The following NAA35 variants were observed in gnomAD, a reference collection of about 807,000 sequenced individuals.
NAA35 encodes the protein MAK10 homolog, amino-acid N-acetyltransferase subunit.
Under a neutral mutation model 101.7 loss-of-function variants are expected in NAA35, and 18 were observed. The ratio of observed to expected loss-of-function variants is 0.18; its 90% CI spans 0.12 to 0.26. The LOEUF (loss-of-function observed/expected upper bound fraction) is 0.26, where lower values mean the gene tolerates loss of function less well. Among genes scored for constraint, NAA35 ranks in the 10% least tolerant of loss-of-function variants. The probability of loss-of-function intolerance (pLI) is 1.00; values close to 1 mark genes in which losing one functional copy is unlikely to be tolerated. For missense variants in NAA35, 601 were observed against 886.8 expected, an observed-to-expected ratio of 0.68 and a Z score of 4.09; for synonymous variants, 267 against 273.1, an observed-to-expected ratio of 0.98 and a Z score of 0.22.
chr9:85,966,745 T>C, intron 6 of NAA35: 1 of 637,728 alleles, frequency 1.6e-6, no homozygotes, highest in Non-Finnish European at 2.4e-6. Flanking sequence ...TAATAATGTG[T>C]ATATCAAGAA....
rs76521783 is a variant in NAA35 at position 85,991,458 on chromosome 9, G to T, written c.878-4941G>T. Among the ~76,000 whole-genome samples, 803 of 152,208 alleles carry T rather than the reference G, an allele frequency of 5.3e-3. 7 individuals carry two copies. The highest frequency in any genetic ancestry group is 0.019 in the African/African-American group (772 of 41,508). On this transcript the variant is annotated intron_variant, in intron 11 of 22. Transcript: ENST00000361671. The stretch of plus-strand genomic sequence containing the variant: ...AGGTATGGGGTGTCAGATCATAAGT[G>T]GGGGGAAGAGGCTGTCCAGGAGGAC...
chr9:85,960,916 G>T (rs895096593), intron 5 of NAA35, among the ~76,000 whole-genome samples: 2 of 152,160 alleles, frequency 1.3e-5, no homozygotes, highest in East Asian at 1.9e-4. Flanking sequence ...GGCAAAGAGG[G>T]TATATTGCAT....
At chr9:85,999,231 A>G (rs949550270) in intron 12 of NAA35, among the ~76,000 whole-genome samples, 6 of 152,184 alleles carry the variant, frequency 3.9e-5, no homozygotes, top group South Asian at 2.1e-4. Context: ...AAAGTAACCA[A>G]ATTAGATGAC....
At position 85,962,175 on chromosome 9, in the gene NAA35, G is replaced by T; in HGVS notation, c.511G>T (p.Glu171Ter). Residue 171 changes from glutamate to a stop codon, truncating the protein, a stop_gained, in exon 6 of 23, where the codon GAA becomes TAA. Transcript: ENST00000361671. LOFTEE classifies it high-confidence loss of function. ...REKVNKAAVF[E>*]EEDFQSMTYG... is the part of the protein sequence containing the mutation. ...AAAAGTAAATAAAGCTGCTGTTTTT[G>T]AAGAGGTAAGATTTCGTAATGTAAG... is the stretch of plus-strand genomic sequence containing the variant. The T allele has an allele frequency of 6.2e-7, 1 of 1,613,490 alleles. No individual in the cohort carries two copies. Among genetic ancestry groups the T allele is most frequent in the South Asian group, 1.1e-5 (1 of 91,030 alleles).
intron 2 of NAA35, among the ~76,000 whole-genome samples, chr9:85,945,163 A>T (rs1016814816): frequency 5.9e-5 from 9 of 152,160 alleles, no homozygotes; most frequent in African/African-American, 2.2e-4. Context: ...TTCACTGTGG[A>T]TAGAGAGGGG....
intron 7 of NAA35, 29 bp downstream of exon 7, chr9:85,975,062 A>C (rs778373648): frequency 6.2e-7 from 1 of 1,611,702 alleles, no homozygotes; most frequent in Non-Finnish European, 8.5e-7. Flanking sequence ...TTAATTCACA[A>C]GTTTTACATT....
chr9:86,012,378 G>C (rs1178479464), intron 15 of NAA35, among the ~76,000 whole-genome samples: 1 of 152,098 alleles, frequency 6.6e-6, no homozygotes, highest in Non-Finnish European at 1.5e-5. Flanking sequence ...AAAGTGCTGG[G>C]ATTACAGGGG....
At chr9:85,963,586 G>A (rs1175551339) in intron 6 of NAA35, among the ~76,000 whole-genome samples, 4 of 151,930 alleles carry the variant, frequency 2.6e-5, no homozygotes, top group African/African-American at 9.7e-5. Context: ...TTTGTGAGTT[G>A]TTTGAAATAG....
chr9:86,012,001 A>G (rs1174781397), intron 15 of NAA35, among the ~76,000 whole-genome samples: 1 of 144,782 alleles, frequency 6.9e-6, no homozygotes, highest in Non-Finnish European at 1.5e-5. Context: ...ATATAATAAT[A>G]TATAATGGAA....
intron 11 of NAA35, among the ~76,000 whole-genome samples, chr9:85,988,972 C>T (rs922286885): frequency 9.2e-5 from 14 of 152,130 alleles, no homozygotes; most frequent in African/African-American, 2.9e-4. Context: ...AAATGTTAGA[C>T]ATTTCTAGAA....
Position 86,022,154 on chromosome 9 carries a change from G to T in NAA35, c.*194G>T. The T allele has an allele frequency of 2.1e-6, 1 of 480,994 alleles. No individual in the cohort carries two copies. Among genetic ancestry groups the T allele is most frequent in the Non-Finnish European group, 3.6e-6 (1 of 274,380 alleles). 29.8% of individuals were successfully genotyped at this position (480,994 alleles called of 1,614,324 possible). On this transcript the variant is annotated 3_prime_UTR_variant, in exon 23 of 23. Coordinates refer to ENST00000361671, the MANE Select transcript of NAA35 (RefSeq NM_024635.4). Reference sequence around the variant, plus strand: ...CTGCTGTTTTAAAGTGGTTTATTATGTTCCATGGAAGAAACTGGTCTTATT... The same window carrying T: ...CTGCTGTTTTAAAGTGGTTTATTATTTTCCATGGAAGAAACTGGTCTTATT...
At chr9:85,996,254 A>G (rs1831151875) in intron 11 of NAA35, 145 bp from the exon 12 acceptor site, 2 of 545,876 alleles carry the variant, frequency 3.7e-6, no homozygotes, top group South Asian at 2.5e-5. Context: ...GATATATTCT[A>G]AATTATAAAA....
At chr9:85,976,419 T>G (rs1290359347) in intron 8 of NAA35, among the ~76,000 whole-genome samples, 3 of 152,180 alleles carry the variant, frequency 2.0e-5, no homozygotes, top group Non-Finnish European at 4.4e-5. Flanking sequence ...TGCCATATAC[T>G]TCTGCTTATG....
chr9:85,982,860 A>G (rs1045772015), intron 11 of NAA35, among the ~76,000 whole-genome samples: 8 of 152,230 alleles, frequency 5.3e-5, no homozygotes, highest in African/African-American at 1.7e-4. Flanking sequence ...TTATTTTAGA[A>G]GCTGGAAAAC....
chr9:85,943,875 T>C (rs888190426), intron 2 of NAA35, among the ~76,000 whole-genome samples: 2 of 152,218 alleles, frequency 1.3e-5, no homozygotes, highest in Non-Finnish European at 2.9e-5. Flanking sequence ...ATGAACTATG[T>C]GAGTCAGAGT....
chr9:85,956,234 T>A, intron 2 of NAA35, 126 bp from the exon 3 acceptor site: 1 of 550,588 alleles, frequency 1.8e-6, no homozygotes, highest in South Asian at 2.3e-5. Flanking sequence ...TAGAAATAAG[T>A]ATTTCTTAGA....
intron 11 of NAA35, among the ~76,000 whole-genome samples, chr9:85,991,990 C>T (rs1179135845): frequency 2.6e-5 from 4 of 151,750 alleles, no homozygotes; most frequent in Non-Finnish European, 5.9e-5. Context: ...CTGGCTAACG[C>T]GGTGAAACCC....
chr9:85,971,687 C>T (rs534885085), intron 6 of NAA35, among the ~76,000 whole-genome samples: 1 of 152,160 alleles, frequency 6.6e-6, no homozygotes, highest in African/African-American at 2.4e-5. Context: ...TACACCTGCT[C>T]CTCCCAAATA....
At chr9:85,953,217 A>ATT (rs750967213) in intron 2 of NAA35, among the ~76,000 whole-genome samples, 4,602 of 125,892 alleles carry the variant, frequency 0.037, 338 homozygotes, top group East Asian at 0.34. Context: ...GCCTCAAGAG[A>ATT]TTTTTTTTTT....
Sources: allele counts gnomAD v4.1 joint callset (sites outside exome capture counted in the v4.1 genomes callset), GRCh38; gene constraint gnomAD v4.1.1; transcripts MANE v1.5; gene names NCBI Gene and HGNC (gene_info 2026-07-23, HGNC 2026-07-21).